The following CPB2 variants were observed in gnomAD, a reference collection of about 807,000 sequenced individuals.
The protein encoded by CPB2 is carboxypeptidase B-like protein.
A neutral mutation model predicts 57.0 loss-of-function variants in CPB2; 54 were observed. The observed-to-expected ratio is 0.95, with a 90% confidence interval of 0.76 to 1.19. CPB2 has a LOEUF of 1.19. Among genes scored for constraint, CPB2 ranks in the 50% most tolerant of loss-of-function variants. CPB2 has a pLI of 0.00. For missense variants in CPB2, 426 were observed against 512.0 expected (o/e 0.83, Z 1.62); for synonymous variants, 189 against 178.1 (o/e 1.06, Z -0.49).
intron 9 of CPB2, among the ~76,000 whole-genome samples, chr13:46,057,064 A>C (rs1166173408): frequency 6.6e-6 from 1 of 152,170 alleles, no homozygotes; most frequent in Non-Finnish European, 1.5e-5. Context: ...CTTAAAGGGC[A>C]GGATTTTACC....
At chr13:46,058,122 CTAAGTAT>C in intron 9 of CPB2, 50 bp downstream of exon 9, 1 of 1,510,820 alleles carries the variant, frequency 6.6e-7, no homozygotes, top group Non-Finnish European at 9.1e-7. Flanking sequence ...GATTCTTCAA[CTAAGTAT>C]TATTTTATTT....
intron 5 of CPB2, among the ~76,000 whole-genome samples, chr13:46,076,517 C>T (rs1176858372): frequency 2.0e-5 from 3 of 152,130 alleles, no homozygotes; most frequent in East Asian, 3.9e-4. Flanking sequence ...ACCTCATGCT[C>T]ACGGGCTTAA....
rs778864397 is a variant in CPB2 at position 46,067,434 on chromosome 13, G to A, written c.592-17C>T. The A allele has an allele frequency of 2.5e-6, 3 of 1,194,048 alleles. No homozygotes were observed. Among genetic ancestry groups the A allele is most frequent in the Non-Finnish European group, 3.7e-6 (3 of 806,696 alleles). The allele number at this position is 1,194,048 out of a possible 1,614,324, so 74.0% of individuals were successfully genotyped here. Reference sequence around the variant, plus strand: ...TTGAGTTATCTGCAAATTAAACCAAGTATATTTAATTAGATGTTTTAAGTT... The same window carrying A: ...TTGAGTTATCTGCAAATTAAACCAAATATATTTAATTAGATGTTTTAAGTT... On this transcript the variant is annotated splice_polypyrimidine_tract_variant and intron_variant, in intron 6 of 10. Transcript: ENST00000181383.
intron 4 of CPB2, among the ~76,000 whole-genome samples, chr13:46,080,289 A>C (rs1337759301): frequency 6.6e-6 from 1 of 152,214 alleles, no homozygotes; most frequent in Non-Finnish European, 1.5e-5. Context: ...GCTGCCCACC[A>C]GTCCATCTTG....
At chr13:46,062,088 C>T (rs1247223652) in intron 8 of CPB2, among the ~76,000 whole-genome samples, 2 of 143,014 alleles carry the variant, frequency 1.4e-5, no homozygotes, top group East Asian at 2.0e-4. Context: ...CTGTTTTTCA[C>T]TCTTATGATA....
rs2044616064 is a variant in CPB2 at position 46,053,555 on chromosome 13, T to G, written c.*59A>C. 1 of 1,568,666 alleles carries G rather than the reference T, an allele frequency of 6.4e-7. No individual in the cohort carries two copies. Among genetic ancestry groups the G allele is most frequent in the Non-Finnish European group, 8.7e-7 (1 of 1,155,504 alleles). ...CTTAAAAATAATTTGATACAATGATTTGGTCTTGCTGGAATCAGTAAATTA... is the reference window on the plus strand; with the variant it reads ...CTTAAAAATAATTTGATACAATGATGTGGTCTTGCTGGAATCAGTAAATTA... On this transcript the variant is annotated 3_prime_UTR_variant, in exon 11 of 11. Coordinates refer to ENST00000181383, the MANE Select transcript of CPB2 (RefSeq NM_001872.5).
chr13:46,087,932 G>A (rs2045235149), intron 1 of CPB2, 112 bp from the exon 2 acceptor site: 3 of 663,634 alleles, frequency 4.5e-6, no homozygotes, highest in African/African-American at 3.6e-5. Flanking sequence ...AATTTAAAAT[G>A]TTATTAGGAC....
At chr13:46,101,793 G>A (rs1011756296) in intron 1 of CPB2, among the ~76,000 whole-genome samples, 2 of 152,158 alleles carry the variant, frequency 1.3e-5, no homozygotes, top group African/African-American at 2.4e-5. Flanking sequence ...TCTGGGGCTC[G>A]AATCCAGATC....
intron 5 of CPB2, among the ~76,000 whole-genome samples, chr13:46,077,395 A>T (rs771036250): frequency 3.2e-4 from 49 of 152,300 alleles, no homozygotes; most frequent in Admixed American, 6.5e-4. Flanking sequence ...TTCCAGTTAA[A>T]ATGGCTTTTA....
chr13:46,102,207 T>G (rs2045443000), intron 1 of CPB2, among the ~76,000 whole-genome samples: 2 of 152,210 alleles, frequency 1.3e-5, no homozygotes, highest in South Asian at 4.1e-4. Flanking sequence ...AATTCCTAAG[T>G]CTTCTTCCTA....
intron 5 of CPB2, among the ~76,000 whole-genome samples, chr13:46,077,842 A>G (rs764184065): frequency 6.6e-6 from 1 of 152,190 alleles, no homozygotes; most frequent in Non-Finnish European, 1.5e-5. Flanking sequence ...ATGTAGGGAA[A>G]GACAAATACT....
intron 3 of CPB2, among the ~76,000 whole-genome samples, chr13:46,083,697 G>A (rs2045154325): frequency 1.3e-5 from 2 of 152,150 alleles, no homozygotes; most frequent in Non-Finnish European, 2.9e-5. Flanking sequence ...CAAAACTTGG[G>A]AGCAGAGAGG....
chr13:46,103,193 A>G (rs527490763), intron 1 of CPB2, among the ~76,000 whole-genome samples: 1 of 152,348 alleles, frequency 6.6e-6, no homozygotes, highest in African/African-American at 2.4e-5. Context: ...TTACTCTACG[A>G]TCAAGATGGC....
intron 7 of CPB2, 111 bp from the exon 8 acceptor site, chr13:46,064,852 C>T (rs1430133665): frequency 8.0e-6 from 6 of 753,366 alleles, no homozygotes; most frequent in African/African-American, 1.7e-5. Flanking sequence ...TCCTTCAATC[C>T]CATACCTTGC....
At chr13:46,065,503 T>C (rs2044839840) in intron 7 of CPB2, among the ~76,000 whole-genome samples, 1 of 151,768 alleles carries the variant, frequency 6.6e-6, no homozygotes, top group African/African-American at 2.4e-5. Flanking sequence ...GGCGGGCACC[T>C]GTAGTCCCAG....
At chr13:46,075,367 G>A (rs2045006449) in intron 5 of CPB2, among the ~76,000 whole-genome samples, 1 of 152,216 alleles carries the variant, frequency 6.6e-6, no homozygotes, top group Non-Finnish European at 1.5e-5. Context: ...TCTTGGCACT[G>A]GTTCTGACAC....
intron 8 of CPB2, among the ~76,000 whole-genome samples, chr13:46,059,843 C>G (rs2044747192): frequency 6.6e-6 from 1 of 152,184 alleles, no homozygotes; most frequent in Non-Finnish European, 1.5e-5. Context: ...ATTATACAAA[C>G]ACAACATTAA....
rs374776365 is a variant in CPB2, at chr13:46,064,707, G to T, written c.737C>A (p.Ala246Glu). 5.6e-6 allele frequency: 9 copies of T among 1,614,002 alleles called. No individual in the cohort carries two copies. Among genetic ancestry groups the T allele is most frequent in the Non-Finnish European group, 7.6e-6 (9 of 1,179,940 alleles). The change falls in exon 8 of 11, where the codon GCG becomes GAG. Residue 246 changes from alanine (A) to glutamate (E), a missense_variant. Coordinates refer to ENST00000181383, the MANE Select transcript of CPB2 (RefSeq NM_001872.5). Reference sequence around the variant, plus strand: ...GTCTGTTCCGATGCAATGATTGTTCGCATAGAAAGAACGGTTCTTTCTCCA... The same window carrying T: ...GTCTGTTCCGATGCAATGATTGTTCTCATAGAAAGAACGGTTCTTTCTCCA... ...RMWRKNRSFY[A>E]NNHCIGTDLN...
In CPB2 at chr13:46,053,584, T is replaced by C; in HGVS notation, c.*30A>G. 6.3e-7 allele frequency: 1 copy of C among 1,595,376 alleles called. No individual in the cohort carries two copies. The highest frequency in any genetic ancestry group is 8.6e-7 in the Non-Finnish European group (1 of 1,167,452). On this transcript the variant is annotated 3_prime_UTR_variant, in exon 11 of 11. Coordinates refer to ENST00000181383, the MANE Select transcript of CPB2 (RefSeq NM_001872.5). ...TCTTGCTGGAATCAGTAAATTAAAA[T>C]ACGGAAGCAGAATGATAAAATCAGG...
Sources: gnomAD v4.1 joint callset for allele counts (sites outside exome capture counted in the v4.1 genomes callset) on GRCh38, gnomAD v4.1.1 for gene constraint, MANE v1.5 for transcripts, NCBI Gene and HGNC (gene_info 2026-07-23, HGNC 2026-07-21) for gene names.